Variants in MAP3K14 observed in about 807,000 individuals in gnomAD.
MAP3K14 encodes mitogen-activated protein kinase kinase kinase 14, also known as NF-kappa-beta-inducing kinase.
Under a neutral mutation model 99.2 loss-of-function variants are expected in MAP3K14, and 16 were observed. That is an observed-to-expected ratio of 0.16 (90% confidence interval 0.11 to 0.24). The LOEUF (loss-of-function observed/expected upper bound fraction) is 0.24. Among genes scored for constraint, MAP3K14 ranks in the 10% least tolerant of loss-of-function variants. The pLI is 1.00. For missense variants in MAP3K14, 784 were observed against 1,208.7 expected, an observed-to-expected ratio of 0.65 and a Z score of 5.21; for synonymous variants, 462 against 492.4, an observed-to-expected ratio of 0.94 and a Z score of 0.82.
chr17:45,309,105 C>T (rs2044451958), intron 1 of MAP3K14, among the ~76,000 whole-genome samples: 1 of 152,242 alleles, frequency 6.6e-6, no homozygotes, highest in African/African-American at 2.4e-5. Flanking sequence ...GCATGAGCCA[C>T]TGTGCCCAAG....
At chr17:45,314,564 A>G (rs2044513430) in intron 1 of MAP3K14, among the ~76,000 whole-genome samples, 1 of 152,082 alleles carries the variant, frequency 6.6e-6, no homozygotes, top group Admixed American at 6.5e-5. Flanking sequence ...CAACTGTGGT[A>G]GTGACTTATT....
intron 5 of MAP3K14, 44 bp from the exon 6 acceptor site, chr17:45,284,993 A>G (rs369466122): frequency 8.3e-5 from 129 of 1,545,392 alleles, no homozygotes; most frequent in Non-Finnish European, 1.0e-4. Flanking sequence ...TGGCCAGGGC[A>G]GCAGAGGGCT....
intron 1 of MAP3K14, among the ~76,000 whole-genome samples, chr17:45,314,128 T>G (rs2044508520): frequency 6.6e-6 from 1 of 152,210 alleles, no homozygotes; most frequent in Non-Finnish European, 1.5e-5. Flanking sequence ...GAAAAATGAC[T>G]TTTTCTGCAT....
At chr17:45,296,723 T>G (rs888534356) in intron 1 of MAP3K14, among the ~76,000 whole-genome samples, 1 of 152,190 alleles carries the variant, frequency 6.6e-6, no homozygotes, top group African/African-American at 2.4e-5. Flanking sequence ...TTCCTTCACT[T>G]GCCCGAGCAG....
chr17:45,316,937 C>T (rs2044541101), intron 1 of MAP3K14, 23 bp downstream of exon 1: 1 of 152,034 alleles, frequency 6.6e-6, no homozygotes, highest in African/African-American at 2.4e-5. Context: ...CACCGGGCCC[C>T]AGGGTCCCGC....
intron 1 of MAP3K14, among the ~76,000 whole-genome samples, chr17:45,299,611 T>C (rs1484035666): frequency 2.0e-5 from 3 of 152,108 alleles, no homozygotes; most frequent in Non-Finnish European, 4.4e-5. Flanking sequence ...TCAGGCACTG[T>C]GAGTGAAACG....
chr17:45,284,173 A>G (rs1033281875), intron 6 of MAP3K14, among the ~76,000 whole-genome samples: 4 of 152,210 alleles, frequency 2.6e-5, no homozygotes, highest in African/African-American at 7.2e-5. Flanking sequence ...CAAGAAGTCT[A>G]TCTTCTTCCC....
chr17:45,267,321 C>T lies in MAP3K14; in HGVS notation c.2326+85G>A, dbSNP rs1168418277. ...GGGGAAGGGGCTGGAAGAAAGCCCACACCGCAGGTAAAGAGAAACACCGGC... is the reference window on the plus strand; with the variant it reads ...GGGGAAGGGGCTGGAAGAAAGCCCATACCGCAGGTAAAGAGAAACACCGGC... On this transcript the variant is annotated intron_variant, in intron 12 of 15. Transcript: ENST00000344686. This position sits in a 1 kb window ranked among gnomAD's most constrained non-coding sequence, Gnocchi z 5.1. 6.9e-7 allele frequency: 1 copy of T among 1,458,576 alleles called. No individual in the cohort carries two copies. The highest frequency in any genetic ancestry group is 9.4e-7 in the Non-Finnish European group (1 of 1,066,168). 90.4% of individuals were successfully genotyped at this position (1,458,576 alleles called of 1,614,324 possible).
Position 45,264,812 on chromosome 17 carries a change from G to A in MAP3K14, c.2680-12C>T. The A allele has an allele frequency of 1.9e-6, 3 of 1,611,906 alleles. No individual in the cohort carries two copies. The highest frequency in any genetic ancestry group is 2.5e-6 in the Non-Finnish European group (3 of 1,178,940). On this transcript the variant is annotated splice_polypyrimidine_tract_variant and intron_variant, in intron 15 of 15. Coordinates refer to ENST00000344686, the MANE Select transcript of MAP3K14 (RefSeq NM_003954.5). Reference sequence around the variant, plus strand: ...GCTGCAGCTGGGATCTAAGGGTGGAGCAAACCAGTGGGCTGAGATCATGGC... The same window carrying A: ...GCTGCAGCTGGGATCTAAGGGTGGAACAAACCAGTGGGCTGAGATCATGGC...
intron 2 of MAP3K14, among the ~76,000 whole-genome samples, chr17:45,289,706 T>A (rs1363542260): frequency 1.3e-5 from 2 of 152,244 alleles, no homozygotes; most frequent in Admixed American, 6.5e-5. Flanking sequence ...TGTATTTTTT[T>A]AAAACAATTA....
chr17:45,300,994 C>T (rs911405528), intron 1 of MAP3K14, among the ~76,000 whole-genome samples: 1 of 151,584 alleles, frequency 6.6e-6, no homozygotes, highest in African/African-American at 2.4e-5. Flanking sequence ...TAGTGAGACC[C>T]CATCTTTACA....
In MAP3K14 at chr17:45,278,339, G is replaced by A. The variant is rs186786716; in HGVS notation, c.1291-3746C>T. Among the ~76,000 whole-genome samples the A allele has an allele frequency of 1.5e-3, 221 of 152,274 alleles. 4 individuals carry two copies. Among genetic ancestry groups the A allele is most frequent in the African/African-American group, 5.0e-3 (208 of 41,558 alleles). On this transcript the variant is annotated intron_variant, in intron 6 of 15. Coordinates refer to ENST00000344686, the MANE Select transcript of MAP3K14 (RefSeq NM_003954.5). ...GCCTTCCAGGCCAAGCTGGCTGCCC[G>A]TCTGGCCACCCCTCCTCTCTGAACT...
intron 6 of MAP3K14, among the ~76,000 whole-genome samples, chr17:45,281,343 C>CTTT (rs1205003546): frequency 7.3e-6 from 1 of 137,222 alleles, no homozygotes; most frequent in Non-Finnish European, 1.6e-5. Context: ...CCTGATCTTT[C>CTTT]TTTTTTTTTT....
Position 45,286,761 on chromosome 17 carries a change from G to A in MAP3K14, c.822C>T (p.Pro274=), listed in dbSNP as rs774026847. 1.2e-6 allele frequency: 2 copies of A among 1,612,420 alleles called. No individual in the cohort carries two copies. The highest frequency in any genetic ancestry group is 4.5e-5 in the East Asian group (2 of 44,826). Residue 274 remains proline, a synonymous_variant, in exon 5 of 16, where the codon CCC becomes CCT. Coordinates refer to ENST00000344686, the MANE Select transcript of MAP3K14 (RefSeq NM_003954.5). This position sits in a 1 kb window ranked among gnomAD's most constrained non-coding sequence, Gnocchi z 4.1. ...PHPFPFHPLQ[P]WKPHPLESFL... Reference sequence around the variant, plus strand: ...AGGACTCCAGAGGGTGAGGTTTCCAGGGCTGGAGAGGGTGGAATGGGAAGG... The same window carrying A: ...AGGACTCCAGAGGGTGAGGTTTCCAAGGCTGGAGAGGGTGGAATGGGAAGG...
intron 1 of MAP3K14, among the ~76,000 whole-genome samples, chr17:45,299,516 C>T (rs780526049): frequency 2.4e-4 from 37 of 152,158 alleles, no homozygotes; most frequent in Non-Finnish European, 4.6e-4. Flanking sequence ...CTCCCTCAGG[C>T]GGAGAAGGAG....
intron 11 of MAP3K14, chr17:45,268,351 T>C (rs1300692245): frequency 6.6e-6 from 1 of 152,240 alleles, no homozygotes; most frequent in Non-Finnish European, 1.5e-5. Context: ...CTATTATGTT[T>C]GATGTGTCAT....
chr17:45,297,192 C>G (rs905281650), intron 1 of MAP3K14, among the ~76,000 whole-genome samples: 1 of 152,192 alleles, frequency 6.6e-6, no homozygotes, highest in African/African-American at 2.4e-5. Context: ...TCTCTTAGGA[C>G]CCAAGGATCT....
Position 45,267,204 on chromosome 17 carries a change from G to A in MAP3K14, c.2327-6C>T. On this transcript the variant is annotated splice_polypyrimidine_tract_variant and splice_region_variant and intron_variant, in intron 12 of 15. Coordinates refer to ENST00000344686, the MANE Select transcript of MAP3K14 (RefSeq NM_003954.5). This position sits in a 1 kb window ranked among gnomAD's most constrained non-coding sequence, Gnocchi z 5.1. ...CAGGCTGTTGAGGAATAATTCTGCA[G>A]GGAAAAGTGGAAGATGGCTGTGAAA... 2 of 1,572,066 alleles carry A rather than the reference G, an allele frequency of 1.3e-6. No homozygotes were observed. The highest frequency in any genetic ancestry group is 1.7e-6 in the Non-Finnish European group (2 of 1,155,048).
intron 1 of MAP3K14, among the ~76,000 whole-genome samples, chr17:45,310,593 G>C (rs1004286582): frequency 1.2e-4 from 18 of 152,188 alleles, no homozygotes; most frequent in African/African-American, 3.9e-4. Flanking sequence ...GCCTCTCACT[G>C]AGAGGAGCCA....
Sources: allele counts gnomAD v4.1 joint callset (sites outside exome capture counted in the v4.1 genomes callset), GRCh38; gene constraint gnomAD v4.1.1; non-coding constraint Gnocchi (gnomAD v3.1); transcripts MANE v1.5; gene names NCBI Gene and HGNC (gene_info 2026-07-23, HGNC 2026-07-21).